Variants in RNF150 observed in about 807,000 individuals in gnomAD.
RNF150 encodes ring finger protein 150.
Under a neutral mutation model 39.3 loss-of-function variants are expected in RNF150, and 24 were observed. The ratio of observed to expected loss-of-function variants is 0.61; its 90% CI spans 0.44 to 0.86. The LOEUF is 0.86. Ranked by LOEUF, RNF150 falls within the 40% of genes least tolerant of loss-of-function variation. RNF150 has a pLI of 0.00. For missense variants in RNF150, 502 were observed against 587.8 expected, an observed-to-expected ratio of 0.85 and a Z score of 1.51; for synonymous variants, 255 against 227.3, an observed-to-expected ratio of 1.12 and a Z score of -1.10.
intron 1 of RNF150, among the ~76,000 whole-genome samples, chr4:141,043,646 T>C (rs972642285): frequency 6.6e-6 from 1 of 152,170 alleles, no homozygotes; most frequent in Non-Finnish European, 1.5e-5. Flanking sequence ...GCTAGCCATA[T>C]ACATGTAAAA....
At chr4:140,926,714 C>A (rs575665102) in intron 4 of RNF150, among the ~76,000 whole-genome samples, 2 of 152,308 alleles carry the variant, frequency 1.3e-5, no homozygotes, top group East Asian at 3.9e-4. Context: ...CTTTTATCTT[C>A]GTGGCAGAAG....
At chr4:140,909,264 T>C (rs919695137) in intron 6 of RNF150, among the ~76,000 whole-genome samples, 1 of 152,208 alleles carries the variant, frequency 6.6e-6, no homozygotes, top group Non-Finnish European at 1.5e-5. Context: ...ACTAGTATTC[T>C]AGATCTATGC....
intron 1 of RNF150, among the ~76,000 whole-genome samples, chr4:141,143,931 A>T (rs1233080169): frequency 6.6e-6 from 1 of 151,072 alleles, no homozygotes; most frequent in Admixed American, 6.6e-5. Context: ...ATTATATTTC[A>T]CTCCTCTTAT....
At chr4:141,067,444 C>A (rs1043014004) in intron 1 of RNF150, among the ~76,000 whole-genome samples, 8 of 152,166 alleles carry the variant, frequency 5.3e-5, no homozygotes, top group African/African-American at 1.9e-4. Flanking sequence ...ATTCCTTGGA[C>A]TCATCAAATG....
intron 1 of RNF150, among the ~76,000 whole-genome samples, chr4:141,051,084 G>A (rs919167102): frequency 3.3e-5 from 5 of 152,186 alleles, no homozygotes; most frequent in Non-Finnish European, 7.3e-5. Context: ...GCACCACAGG[G>A]AAGGTGCCAG....
chr4:141,172,853 C>T (rs1727752927), intron 1 of RNF150, among the ~76,000 whole-genome samples: 2 of 152,156 alleles, frequency 1.3e-5, no homozygotes, highest in South Asian at 4.1e-4. Context: ...AGTGAAACCC[C>T]ATCTCTACTA....
At chr4:140,913,625 C>T (rs934589132) in intron 5 of RNF150, among the ~76,000 whole-genome samples, 3 of 152,182 alleles carry the variant, frequency 2.0e-5, no homozygotes, top group Admixed American at 2.0e-4. Flanking sequence ...CCTGCAAGCA[C>T]TTCATAAGGT....
At chr4:141,119,895 AGAAT>A (rs1206067040) in intron 1 of RNF150, among the ~76,000 whole-genome samples, 5 of 152,258 alleles carry the variant, frequency 3.3e-5, no homozygotes, top group Admixed American at 3.3e-4. Context: ...CACAAGATAT[AGAAT>A]CAAGTTTTTA....
At chr4:141,042,393 T>C (rs564472587) in intron 1 of RNF150, among the ~76,000 whole-genome samples, 32 of 152,246 alleles carry the variant, frequency 2.1e-4, no homozygotes, top group Admixed American at 2.0e-3. Flanking sequence ...TATAATGGAA[T>C]AAACTATTCT....
chr4:140,975,550 A>C (rs1733632412), intron 1 of RNF150, among the ~76,000 whole-genome samples: 1 of 152,106 alleles, frequency 6.6e-6, no homozygotes, highest in Admixed American at 6.6e-5. Context: ...GTCCATTTTT[A>C]AACCATTCTT....
chr4:141,207,325 G>T (rs1383368087), intron 1 of RNF150, among the ~76,000 whole-genome samples: 1 of 152,128 alleles, frequency 6.6e-6, no homozygotes, highest in African/African-American at 2.4e-5. Flanking sequence ...TAAAAGCAGA[G>T]TACTCTCTCT....
chr4:141,144,426 A>G (rs1727168644), intron 1 of RNF150, among the ~76,000 whole-genome samples: 1 of 152,056 alleles, frequency 6.6e-6, no homozygotes, highest in African/African-American at 2.4e-5. Context: ...GTCAAACTCT[A>G]TTTGCTCGCT....
At chr4:141,003,978 T>C (rs149465337) in intron 1 of RNF150, among the ~76,000 whole-genome samples, 96 of 152,036 alleles carry the variant, frequency 6.3e-4, no homozygotes, top group African/African-American at 2.0e-3. Context: ...ACTGGAAGGA[T>C]TGGGGTTAGG....
chr4:141,025,292 T>C (rs1735654783), intron 1 of RNF150, among the ~76,000 whole-genome samples: 1 of 152,132 alleles, frequency 6.6e-6, no homozygotes, highest in Non-Finnish European at 1.5e-5. Flanking sequence ...AGTCATTCAA[T>C]CAGTTATTCA....
At chr4:141,080,780 T>C (rs997810999) in intron 1 of RNF150, among the ~76,000 whole-genome samples, 2 of 152,120 alleles carry the variant, frequency 1.3e-5, no homozygotes, top group Admixed American at 1.3e-4. Flanking sequence ...TAATTGGAGA[T>C]ATTAGGATTC....
At chr4:141,022,130 T>A (rs1039876779) in intron 1 of RNF150, among the ~76,000 whole-genome samples, 2 of 152,132 alleles carry the variant, frequency 1.3e-5, no homozygotes, top group Non-Finnish European at 2.9e-5. Context: ...AAAGGCCTCT[T>A]TACACAAGCA....
chr4:141,015,185 C>T (rs1735224764), intron 1 of RNF150, among the ~76,000 whole-genome samples: 1 of 152,038 alleles, frequency 6.6e-6, no homozygotes, highest in African/African-American at 2.4e-5. Flanking sequence ...GATGTGTCTG[C>T]TTTTATGCTA....
chr4:140,938,519 G>A (rs916839321), intron 4 of RNF150, among the ~76,000 whole-genome samples: 7 of 152,114 alleles, frequency 4.6e-5, no homozygotes, highest in Admixed American at 1.3e-4. Flanking sequence ...GGGCGTTTCC[G>A]TCCAATGAGG....
chr4:140,891,827 A>G (rs1729764612), intron 6 of RNF150, among the ~76,000 whole-genome samples: 1 of 152,178 alleles, frequency 6.6e-6, no homozygotes, highest in Non-Finnish European at 1.5e-5. Context: ...GCCTCCTGTC[A>G]GCAGAGCATT....
Sources: gnomAD v4.1 joint callset for allele counts (sites outside exome capture counted in the v4.1 genomes callset) on GRCh38, gnomAD v4.1.1 for gene constraint, MANE v1.5 for transcripts, NCBI Gene and HGNC (gene_info 2026-07-23, HGNC 2026-07-21) for gene names.